MYCBP2: variants seen among roughly 807,000 people sequenced by gnomAD.
MYCBP2 encodes the protein MYC binding protein 2.
A neutral mutation model predicts 525.3 loss-of-function variants in MYCBP2; 120 were observed. The observed-to-expected ratio is 0.23, with a 90% CI of 0.20 to 0.27. The LOEUF (loss-of-function observed/expected upper bound fraction) is 0.27. Ranked by LOEUF, MYCBP2 falls within the 10% of genes least tolerant of loss-of-function variation. The pLI is 1.00. For missense variants in MYCBP2, 4,149 were observed against 5,657.1 expected, an observed-to-expected ratio of 0.73 and a Z score of 8.55; for synonymous variants, 1,894 against 1,955.8, an observed-to-expected ratio of 0.97 and a Z score of 0.83.
Position 77,087,632 on chromosome 13 carries a change from G to A in MYCBP2, c.10727C>T (p.Ala3576Val), listed in dbSNP as rs748993015. 6.2e-7 allele frequency: 1 copy of A among 1,608,814 alleles called. No individual in the cohort carries two copies. ...GACATTACACAGAAGCCAGTTGAAAGCCTGAAGAAATGACGGTTAAATGAG... is the reference window on the plus strand; with the variant it reads ...GACATTACACAGAAGCCAGTTGAAAACCTGAAGAAATGACGGTTAAATGAG... Reference protein sequence around the residue: ...KSACRVFAMEAFNWLLCNVIQ... With the variant: ...KSACRVFAMEVFNWLLCNVIQ... Residue 3576 changes from alanine to valine, a missense_variant and splice_region_variant, in exon 62 of 83, where the codon GCT becomes GTT. Physicochemically the swap from Ala to Val is moderately conservative, Grantham distance 64. Around this residue, in one of 21 missense-constraint regions of MYCBP2, gnomAD observed 509 missense variants for 789.4 expected, o/e 0.64. Coordinates refer to ENST00000544440, the MANE Select transcript of MYCBP2 (RefSeq NM_015057.5).
chr13:77,174,035 TAG>T (rs1230977887), intron 37 of MYCBP2, among the ~76,000 whole-genome samples: 5 of 152,236 alleles, frequency 3.3e-5, no homozygotes, highest in African/African-American at 9.6e-5. Context: ...CCAGAAATTA[TAG>T]AGTGACAGCA....
At chr13:77,071,450 AGC>A (rs1433374618) in intron 68 of MYCBP2, among the ~76,000 whole-genome samples, 1 of 152,138 alleles carries the variant, frequency 6.6e-6, no homozygotes, top group African/African-American at 2.4e-5. Context: ...TAAGATAGAG[AGC>A]CAGAAGAGAA....
At chr13:77,127,805 C>A (rs151027249) in intron 52 of MYCBP2, among the ~76,000 whole-genome samples, 2 of 151,754 alleles carry the variant, frequency 1.3e-5, no homozygotes, top group Non-Finnish European at 3.0e-5. Context: ...ATTCTGTATA[C>A]CTGCTACTTT....
chr13:77,158,778 C>A (rs947675023), intron 44 of MYCBP2, among the ~76,000 whole-genome samples: 22 of 152,156 alleles, frequency 1.4e-4, no homozygotes, highest in Non-Finnish European at 2.4e-4. Context: ...TTACAGGCAG[C>A]TATCATGAGT....
intron 20 of MYCBP2, among the ~76,000 whole-genome samples, chr13:77,223,144 A>T (rs1451336244): frequency 6.6e-6 from 1 of 152,206 alleles, no homozygotes. Flanking sequence ...GTTAACTATT[A>T]TAACAGCCTC....
intron 45 of MYCBP2, among the ~76,000 whole-genome samples, 180 bp downstream of exon 45, chr13:77,157,753 AAAAC>A (rs962446010): frequency 1.4e-3 from 207 of 152,284 alleles, no homozygotes; most frequent in African/African-American, 4.5e-3. Context: ...CTCTCTCTCA[AAAAC>A]AAACAAACAA....
At position 77,086,328 on chromosome 13, in the gene MYCBP2, T is replaced by C. The variant is rs575433510; in HGVS notation, c.10875+1156A>G. Reference sequence around the variant, plus strand: ...CCAAAAATTAAGCAATTATTCTCACTGTCCCTCTTTTGAAAGCTAATATTT... The same window carrying C: ...CCAAAAATTAAGCAATTATTCTCACCGTCCCTCTTTTGAAAGCTAATATTT... On this transcript the variant is annotated intron_variant, in intron 62 of 82. Transcript: ENST00000544440. 5.3e-5 allele frequency among the ~76,000 whole-genome samples: 8 copies of C among 151,650 alleles called. No homozygotes were observed. In the South Asian group the frequency reaches 1.7e-3, roughly 31 times the overall value.
At chr13:77,069,720 T>G (rs1043423058) in intron 69 of MYCBP2, among the ~76,000 whole-genome samples, 6 of 140,746 alleles carry the variant, frequency 4.3e-5, no homozygotes, top group African/African-American at 1.6e-4. Flanking sequence ...AAAAAAAAAT[T>G]AGCCAGCCGT....
intron 10 of MYCBP2, among the ~76,000 whole-genome samples, chr13:77,262,395 A>G (rs1246539682): frequency 1.3e-5 from 2 of 152,086 alleles, no homozygotes; most frequent in African/African-American, 2.4e-5. Context: ...TAAAAATTCA[A>G]TGTCAGCAAT....
rs150582666 is a variant in MYCBP2, at chr13:77,108,922, C to T, written c.8141-9909G>A. On this transcript the variant is annotated intron_variant, in intron 55 of 82. Coordinates refer to ENST00000544440, the MANE Select transcript of MYCBP2 (RefSeq NM_015057.5). ...GTTTCACTGTGTTAGCCAGGATGGT[C>T]GACCTCGTGATTCACCCGCCTCATC... Among the ~76,000 whole-genome samples the T allele has an allele frequency of 2.9e-3, 442 of 152,040 alleles. 3 individuals are homozygous for T. The highest frequency in any genetic ancestry group is 4.4e-3 in the African/African-American group (184 of 41,490).
intron 55 of MYCBP2, chr13:77,099,282 C>G: frequency 2.3e-6 from 1 of 431,186 alleles, no homozygotes; most frequent in South Asian, 2.8e-5. Context: ...AGTGATATCT[C>G]AACCTCTGCC....
At chr13:77,163,491 TG>T (rs34185499) in intron 43 of MYCBP2, among the ~76,000 whole-genome samples, 1 of 151,996 alleles carries the variant, frequency 6.6e-6, no homozygotes, top group African/African-American at 2.4e-5. Flanking sequence ...AGATGGATTT[TG>T]GGGGGGTAAG....
chr13:77,094,275 T>A (rs2045897009), intron 58 of MYCBP2, among the ~76,000 whole-genome samples: 1 of 152,176 alleles, frequency 6.6e-6, no homozygotes. Flanking sequence ...TTTTGGTATA[T>A]GAAAGGCTCT....
chr13:77,323,360 C>T (rs2081924805), intron 1 of MYCBP2, among the ~76,000 whole-genome samples: 2 of 152,202 alleles, frequency 1.3e-5, no homozygotes, highest in African/African-American at 4.8e-5. Context: ...ATTCATTTGA[C>T]ATTGACTGAT....
chr13:77,106,001 A>G (rs1361119287), intron 55 of MYCBP2, among the ~76,000 whole-genome samples: 2 of 152,118 alleles, frequency 1.3e-5, no homozygotes, highest in East Asian at 3.8e-4. Flanking sequence ...AGTACTGATG[A>G]TAATAATAAA....
intron 1 of MYCBP2, among the ~76,000 whole-genome samples, chr13:77,305,677 T>A (rs1229600706): frequency 1.3e-5 from 2 of 151,420 alleles, no homozygotes; most frequent in Non-Finnish European, 2.9e-5. Flanking sequence ...CTTTTATTTT[T>A]AAAAAAAGAG....
At chr13:77,214,611 A>G (rs1345155830) in intron 21 of MYCBP2, among the ~76,000 whole-genome samples, 2 of 152,242 alleles carry the variant, frequency 1.3e-5, no homozygotes, top group African/African-American at 4.8e-5. Flanking sequence ...ATGTCACTTA[A>G]TGACAGGGAT....
At chr13:77,189,868 T>C (rs1179100721) in intron 29 of MYCBP2, among the ~76,000 whole-genome samples, 5 of 152,132 alleles carry the variant, frequency 3.3e-5, no homozygotes, top group African/African-American at 9.6e-5. Context: ...CTACAATATA[T>C]CAACCAGGCC....
chr13:77,160,116 G>A, intron 44 of MYCBP2, among the ~76,000 whole-genome samples: 1 of 150,300 alleles, frequency 6.7e-6, no homozygotes, highest in Admixed American at 6.6e-5. Flanking sequence ...GCCTGGGCTG[G>A]AGTACAATGG....
Sources: gnomAD v4.1 joint callset for allele counts (sites outside exome capture counted in the v4.1 genomes callset) on GRCh38, gnomAD v4.1.1 for gene constraint, gnomAD v4.1.1 regional missense constraint, MANE v1.5 for transcripts, NCBI Gene and HGNC (gene_info 2026-07-23, HGNC 2026-07-21) for gene names.